The following SYCP2L variants were observed in gnomAD, a reference collection of about 807,000 sequenced individuals.
SYCP2L encodes the protein synaptonemal complex protein 2-like.
SYCP2L carries 98 observed loss-of-function variants against 125.8 expected under a neutral mutation model. The ratio of observed to expected loss-of-function variants is 0.78; its 90% CI spans 0.66 to 0.92. The LOEUF is 0.92. Ranked by LOEUF, SYCP2L falls within the 40% of genes least tolerant of loss-of-function variation. SYCP2L has a pLI of 0.00. For synonymous variants in SYCP2L, 317 were observed against 325.4 expected, an observed-to-expected ratio of 0.97 and a Z score of 0.28; for missense variants, 842 against 936.4, an observed-to-expected ratio of 0.90 and a Z score of 1.32.
chr6:10,955,670 C>G (rs899489121), intron 24 of SYCP2L, among the ~76,000 whole-genome samples: 1 of 152,180 alleles, frequency 6.6e-6, no homozygotes, highest in Admixed American at 6.5e-5. Flanking sequence ...TCCAGACAGC[C>G]TGGATTTGAA....
At chr6:10,940,189 G>A (rs1371911847) in intron 21 of SYCP2L, among the ~76,000 whole-genome samples, 3 of 152,220 alleles carry the variant, frequency 2.0e-5, no homozygotes, top group East Asian at 1.9e-4. Context: ...GATAACAAGT[G>A]TTGGCAAGGG....
intron 8 of SYCP2L, among the ~76,000 whole-genome samples, chr6:10,905,557 G>T (rs925863873): frequency 3.3e-5 from 5 of 152,150 alleles, no homozygotes; most frequent in Non-Finnish European, 5.9e-5. Context: ...CTCCCAAACT[G>T]CTGGGATTAC....
At chr6:10,957,207 A>T (rs1163261817) in intron 25 of SYCP2L, among the ~76,000 whole-genome samples, 2 of 152,234 alleles carry the variant, frequency 1.3e-5, no homozygotes, top group Non-Finnish European at 2.9e-5. Flanking sequence ...ATGAATTTAA[A>T]GTAACAAGTT....
intron 16 of SYCP2L, among the ~76,000 whole-genome samples, chr6:10,926,882 C>G (rs1300663165): frequency 6.6e-6 from 1 of 151,456 alleles, no homozygotes; most frequent in Non-Finnish European, 1.5e-5. Context: ...TAGGTTTAAG[C>G]AACTCTTCTG....
At chr6:10,968,751 G>A (rs1781718927) in intron 29 of SYCP2L, among the ~76,000 whole-genome samples, 1 of 152,204 alleles carries the variant, frequency 6.6e-6, no homozygotes, top group Non-Finnish European at 1.5e-5. Context: ...ACAGCATCAG[G>A]TGAGGGTGTG....
intron 14 of SYCP2L, among the ~76,000 whole-genome samples, chr6:10,913,686 CTG>C (rs2113324926): frequency 6.6e-6 from 1 of 152,226 alleles, no homozygotes; most frequent in South Asian, 2.1e-4. Flanking sequence ...ACTCTGCTGA[CTG>C]TTCCTTTTGC....
intron 1 of SYCP2L, among the ~76,000 whole-genome samples, chr6:10,890,447 G>A (rs1780153693): frequency 6.6e-6 from 1 of 152,098 alleles, no homozygotes; most frequent in Non-Finnish European, 1.5e-5. Context: ...CCAATGATTA[G>A]TGATGTTGAG....
chr6:10,955,513 T>C (rs1365085791), intron 24 of SYCP2L, among the ~76,000 whole-genome samples: 3 of 152,226 alleles, frequency 2.0e-5, no homozygotes, highest in African/African-American at 7.2e-5. Context: ...TTGATAGTTA[T>C]CAACCAAATT....
intron 29 of SYCP2L, among the ~76,000 whole-genome samples, chr6:10,967,328 C>T (rs140351616): frequency 0.016 from 2,479 of 152,040 alleles, 46 homozygotes; most frequent in Non-Finnish European, 0.022. Flanking sequence ...AACTTTGATA[C>T]CAAAACAGGA....
At chr6:10,905,147 A>G (rs1581819480) in intron 8 of SYCP2L, among the ~76,000 whole-genome samples, 2 of 144,086 alleles carry the variant, frequency 1.4e-5, no homozygotes, top group Admixed American at 6.8e-5. Flanking sequence ...GGTCTCAAAA[A>G]AAAAAAAAAA....
intron 16 of SYCP2L, among the ~76,000 whole-genome samples, 180 bp from the exon 17 acceptor site, chr6:10,927,060 C>T (rs1780910502): frequency 2.0e-5 from 3 of 152,126 alleles, no homozygotes; most frequent in African/African-American, 4.8e-5. Flanking sequence ...GGATTACAGA[C>T]GTGAGCCAAC....
At chr6:10,927,089 A>T in intron 16 of SYCP2L, 151 bp from the exon 17 acceptor site, 1 of 1,379,832 alleles carries the variant, frequency 7.2e-7, no homozygotes, top group Non-Finnish European at 9.5e-7. Context: ...CTGTACCCAT[A>T]GCTTTCTGAT....
At position 10,974,294 on chromosome 6, in the gene SYCP2L, G is replaced by T. The variant is rs1339478986; in HGVS notation, c.*380G>T. The T allele has an allele frequency of 6.6e-6, 1 of 151,876 alleles. No homozygotes were observed. Among genetic ancestry groups the T allele is most frequent in the Non-Finnish European group, 1.5e-5 (1 of 67,980 alleles). The allele number at this position is 151,876 out of a possible 1,614,324, so 9.4% of individuals were successfully genotyped here. ...AGTTTTGTGTGAATAAAACACTTTA[G>T]CAGCATCTGTATAAATACAATTGGA... On this transcript the variant is annotated 3_prime_UTR_variant, in exon 30 of 30. Transcript: ENST00000283141.
At chr6:10,914,025 G>C (rs957292530) in intron 14 of SYCP2L, among the ~76,000 whole-genome samples, 2 of 152,064 alleles carry the variant, frequency 1.3e-5, no homozygotes, top group African/African-American at 4.8e-5. Context: ...TAGAGATGGG[G>C]TTTCTCCCTG....
At position 10,948,463 on chromosome 6, in the gene SYCP2L, A is replaced by T. The variant is rs186508825; in HGVS notation, c.1954+5717A>T. Among the ~76,000 whole-genome samples the T allele has an allele frequency of 7.0e-4, 106 of 152,286 alleles. No homozygotes were observed. The East Asian group carries it at 0.014, about 20-fold the overall frequency. On this transcript the variant is annotated intron_variant, in intron 23 of 29. Coordinates refer to ENST00000283141, the MANE Select transcript of SYCP2L (RefSeq NM_001040274.3). ...ATTTTTAAAAGTACAACTCATAGAA[A>T]CAGAGAGTAGAAGGGTGTGGTGGTC...
At chr6:10,961,130 T>C (rs1021413683) in intron 26 of SYCP2L, among the ~76,000 whole-genome samples, 175 bp from the exon 27 acceptor site, 2 of 149,410 alleles carry the variant, frequency 1.3e-5, no homozygotes, top group Non-Finnish European at 1.5e-5. Flanking sequence ...GGTTTCCAGA[T>C]TGGGGATGAG....
In SYCP2L at chr6:10,894,139, C is replaced by T. The variant is rs761182234; in HGVS notation, c.271C>T (p.Arg91Ter). ...GTCACTGTTGCTGAAATGTATTCAG[C>T]GATTCCTCGTAGATGGCCTGAAAGA... ...SVSLLLKCIQ[R>*]FLVDGLKEDE... Residue 91 changes from arginine to a stop codon, truncating the protein, a stop_gained, in exon 4 of 30, where the codon CGA becomes TGA. Coordinates refer to ENST00000283141, the MANE Select transcript of SYCP2L (RefSeq NM_001040274.3). LOFTEE classifies it high-confidence loss of function. 17 of 1,613,502 alleles carry T rather than the reference C, an allele frequency of 1.1e-5. No homozygotes were observed. The highest frequency in any genetic ancestry group is 2.7e-5 in the African/African-American group (2 of 74,896).
In SYCP2L at chr6:10,912,261, A is replaced by C. The variant is rs943323353; in HGVS notation, c.919-412A>C. Among the ~76,000 whole-genome samples, 16 of 152,288 alleles carry C rather than the reference A, an allele frequency of 1.1e-4. No individual in the cohort carries two copies. The highest frequency in any genetic ancestry group is 3.9e-4 in the African/African-American group (16 of 41,556). On this transcript the variant is annotated intron_variant, in intron 12 of 29. Transcript: ENST00000283141. The surrounding 1 kb of genome is among the most constrained non-coding windows in gnomAD (Gnocchi z 4.1). ...AGTCTTCAAGTCTTAGCTGTACTCTAATGGTTGGAAGATAGATGGCAAATC... is the reference window on the plus strand; with the variant it reads ...AGTCTTCAAGTCTTAGCTGTACTCTCATGGTTGGAAGATAGATGGCAAATC...
chr6:10,919,372 A>G (rs1472964540), intron 14 of SYCP2L, among the ~76,000 whole-genome samples: 3 of 152,036 alleles, frequency 2.0e-5, no homozygotes, highest in East Asian at 1.9e-4. Context: ...CAGCAAGTCT[A>G]CTAGGCTCCG....
Sources: allele counts gnomAD v4.1 joint callset (sites outside exome capture counted in the v4.1 genomes callset), GRCh38; gene constraint gnomAD v4.1.1; non-coding constraint Gnocchi (gnomAD v3.1); transcripts MANE v1.5; gene names NCBI Gene and HGNC (gene_info 2026-07-23, HGNC 2026-07-21).